The following DLGAP4 variants were observed in gnomAD, a reference collection of about 807,000 sequenced individuals.
DLGAP4 encodes the protein disks large-associated protein 4.
Under a neutral mutation model 86.9 loss-of-function variants are expected in DLGAP4, and 18 were observed. That is an observed-to-expected ratio of 0.21 (90% CI 0.14 to 0.31). The LOEUF (loss-of-function observed/expected upper bound fraction) is 0.31. DLGAP4 is among the 10% of genes least tolerant of loss of function. The pLI is 1.00. For missense variants in DLGAP4, 1,085 were observed against 1,362.6 expected (o/e 0.80, Z 3.21); for synonymous variants, 548 against 574.3 (o/e 0.95, Z 0.65).
intron 1 of DLGAP4, among the ~76,000 whole-genome samples, chr20:36,348,155 G>A (rs2030007471): frequency 6.6e-6 from 1 of 152,190 alleles, no homozygotes; most frequent in Non-Finnish European, 1.5e-5. Context: ...ACAGGAGGGA[G>A]GGAAATGTAC....
chr20:36,511,592 C>T (rs531732076), intron 10 of DLGAP4, among the ~76,000 whole-genome samples: 11 of 151,756 alleles, frequency 7.2e-5, no homozygotes, highest in Non-Finnish European at 1.3e-4. Flanking sequence ...AAAATATTTG[C>T]GGCCGGGTGC....
chr20:36,467,461 T>C (rs1356745471), intron 7 of DLGAP4, among the ~76,000 whole-genome samples: 1 of 152,128 alleles, frequency 6.6e-6, no homozygotes, highest in Non-Finnish European at 1.5e-5. Context: ...CAGGAGGTTG[T>C]AGGCAGTGTT....
At chr20:36,503,804 G>A (rs1232045512) in intron 10 of DLGAP4, among the ~76,000 whole-genome samples, 2 of 152,102 alleles carry the variant, frequency 1.3e-5, no homozygotes, top group African/African-American at 4.8e-5. Flanking sequence ...CCCATATTTG[G>A]CCTTTTGTGT....
intron 2 of DLGAP4, among the ~76,000 whole-genome samples, chr20:36,389,026 T>G (rs2031698553): frequency 6.6e-6 from 1 of 152,182 alleles, no homozygotes. Flanking sequence ...TCTGATCCAT[T>G]GTGAGGGTGG....
At chr20:36,436,968 C>T (rs116500297) in intron 4 of DLGAP4, among the ~76,000 whole-genome samples, 1,633 of 152,320 alleles carry the variant, frequency 0.011, 29 homozygotes, top group African/African-American at 0.037. Context: ...CGCTCACCCG[C>T]AAGCCTCGTC....
chr20:36,434,452 G>A (rs544485880), intron 3 of DLGAP4, among the ~76,000 whole-genome samples: 5 of 152,280 alleles, frequency 3.3e-5, no homozygotes, highest in African/African-American at 7.2e-5. Flanking sequence ...ATGTGTGACC[G>A]GGCTTCCTCT....
intron 7 of DLGAP4, among the ~76,000 whole-genome samples, chr20:36,489,987 T>G (rs56303331): frequency 1.3e-3 from 192 of 151,488 alleles, no homozygotes; most frequent in African/African-American, 4.5e-3. Context: ...GCCTCCCTAG[T>G]AGCTGGAATT....
chr20:36,381,780 G>C (rs1351858830), intron 2 of DLGAP4, among the ~76,000 whole-genome samples: 2 of 152,076 alleles, frequency 1.3e-5, no homozygotes, highest in East Asian at 3.9e-4. Context: ...TGGTGATGAT[G>C]GTGGGTGTCT....
intron 7 of DLGAP4, chr20:36,461,272 G>GC (rs199985607): frequency 1 from 159,920 of 159,938 alleles, 79,953 homozygotes; most frequent in Middle Eastern, 1. Flanking sequence ...GGGCCGGCCG[G>GC]CTGGGCGTGG....
chr20:36,519,143 G>A (rs1156455197), intron 10 of DLGAP4, among the ~76,000 whole-genome samples: 2 of 151,888 alleles, frequency 1.3e-5, no homozygotes, highest in Non-Finnish European at 2.9e-5. Context: ...GCTGGGCGTG[G>A]TGGTGCACTC....
At chr20:36,333,115 T>C (rs1289541835) in intron 1 of DLGAP4, among the ~76,000 whole-genome samples, 1 of 152,074 alleles carries the variant, frequency 6.6e-6, no homozygotes, top group African/African-American at 2.4e-5. Flanking sequence ...TCTGCCTGGT[T>C]GGTTTGAGAA....
In DLGAP4 at chr20:36,407,890, AG is replaced by A. The variant is rs139547243; in HGVS notation, c.-72-23752del. 7.2e-3 allele frequency among the ~76,000 whole-genome samples: 1,089 copies of A among 152,264 alleles called. 17 individuals carry two copies. The highest frequency in any genetic ancestry group is 0.025 in the African/African-American group (1,053 of 41,572). ...TGAATGCCAGGGAAGCAGGGCAGCC[AG>A]GGGAGGCCCTTTAGTCAAGGAGGAT... On this transcript the variant is annotated intron_variant, in intron 2 of 12. Coordinates refer to ENST00000339266, the MANE Select transcript of DLGAP4 (RefSeq NM_001365621.2).
chr20:36,377,359 G>A (rs1718162308), intron 2 of DLGAP4, among the ~76,000 whole-genome samples: 1 of 152,112 alleles, frequency 6.6e-6, no homozygotes, highest in Admixed American at 6.5e-5. Context: ...GTGATTTCAG[G>A]TCCTTCCTTC....
intron 10 of DLGAP4, among the ~76,000 whole-genome samples, chr20:36,505,224 T>A (rs1198758913): frequency 2.0e-5 from 3 of 152,004 alleles, no homozygotes; most frequent in Admixed American, 6.6e-5. Context: ...CCTGACCTCA[T>A]GATCTGCCTG....
chr20:36,443,908 G>T (rs1418649759), intron 6 of DLGAP4, among the ~76,000 whole-genome samples: 1 of 152,170 alleles, frequency 6.6e-6, no homozygotes, highest in Non-Finnish European at 1.5e-5. Flanking sequence ...CTGAAATGGG[G>T]ACTATTGCCC....
chr20:36,392,734 G>A (rs6103432), intron 2 of DLGAP4, among the ~76,000 whole-genome samples: 2 of 152,220 alleles, frequency 1.3e-5, no homozygotes, highest in African/African-American at 4.8e-5. Flanking sequence ...CTAGGTTTCA[G>A]GTACTGTTTC....
At chr20:36,494,289 G>A (rs1393298051) in intron 7 of DLGAP4, among the ~76,000 whole-genome samples, 3 of 152,124 alleles carry the variant, frequency 2.0e-5, no homozygotes, top group African/African-American at 7.2e-5. Flanking sequence ...TTAACATCGT[G>A]GCATGTGTTA....
At chr20:36,454,810 C>T (rs765726705) in intron 7 of DLGAP4, among the ~76,000 whole-genome samples, 4 of 152,200 alleles carry the variant, frequency 2.6e-5, no homozygotes, top group African/African-American at 4.8e-5. Flanking sequence ...TCAAGCAGGG[C>T]GTGGGCAGGG....
At chr20:36,462,813 AGT>A (rs772237667) in intron 7 of DLGAP4, among the ~76,000 whole-genome samples, 13 of 151,982 alleles carry the variant, frequency 8.6e-5, no homozygotes, top group Non-Finnish European at 1.5e-4. Context: ...TAGTTGCTTG[AGT>A]GTGTGGAGGG....
Sources: allele counts gnomAD v4.1 joint callset (sites outside exome capture counted in the v4.1 genomes callset), GRCh38; gene constraint gnomAD v4.1.1; transcripts MANE v1.5; gene names NCBI Gene and HGNC (gene_info 2026-07-23, HGNC 2026-07-21).